The following GPAM variants were observed in gnomAD, a reference collection of about 807,000 sequenced individuals.
GPAM encodes glycerol-3-phosphate acyltransferase 1, mitochondrial.
A neutral mutation model predicts 105.0 loss-of-function variants in GPAM; 56 were observed. The observed-to-expected ratio is 0.53, with a 90% CI of 0.43 to 0.67. The LOEUF (loss-of-function observed/expected upper bound fraction) is 0.67, where lower values mean the gene tolerates loss of function less well. Ranked by LOEUF, GPAM falls within the 30% of genes least tolerant of loss-of-function variation. The probability of loss-of-function intolerance (pLI) is 0.00; values close to 1 mark genes in which losing one functional copy is unlikely to be tolerated. For missense variants in GPAM, 855 were observed against 989.8 expected (o/e 0.86, Z 1.83); for synonymous variants, 368 against 354.4 (o/e 1.04, Z -0.43).
At position 112,157,362 on chromosome 10, in the gene GPAM, T is replaced by C. The variant is rs1847036378; in HGVS notation, c.2008A>G (p.Ser670Gly). 2 of 1,613,444 alleles carry C rather than the reference T, an allele frequency of 1.2e-6. No individual in the cohort carries two copies. The highest frequency in any genetic ancestry group is 1.7e-5 in the Admixed American group (1 of 60,010). ...TTGTCCCACTGCTGCTCAGCAAGAC[T>C]AGGACTGATATCTTCCTGGTCATCG... ...EHDDQEDISPSLAEQQWDKKL... is the reference protein window; with the variant it reads ...EHDDQEDISPGLAEQQWDKKL... The change falls in exon 19 of 22, where the codon AGT becomes GGT. Residue 670 changes from serine to glycine, a missense_variant. Transcript: ENST00000348367.
At chr10:112,204,545 G>C (rs1246163283) in intron 1 of GPAM, among the ~76,000 whole-genome samples, 2 of 150,744 alleles carry the variant, frequency 1.3e-5, no homozygotes, top group African/African-American at 2.4e-5. Flanking sequence ...ATGATCTGTT[G>C]TTTTCCTATA....
At chr10:112,188,908 T>C (rs1847624719) in intron 1 of GPAM, among the ~76,000 whole-genome samples, 1 of 152,154 alleles carries the variant, frequency 6.6e-6, no homozygotes, top group Non-Finnish European at 1.5e-5. Context: ...ACCTAGGCCT[T>C]TCTCATACTA....
chr10:112,189,521 C>T (rs74964251), intron 1 of GPAM, among the ~76,000 whole-genome samples: 1,894 of 152,278 alleles, frequency 0.012, 21 homozygotes, highest in Non-Finnish European at 0.018. Flanking sequence ...CTGTTCAAGA[C>T]GTATTTCTAC....
rs1223400825 is a variant in GPAM, at chr10:112,182,817, C to T, written c.-53G>A. The T allele has an allele frequency of 6.6e-6, 1 of 152,200 alleles. No homozygotes were observed. Among genetic ancestry groups the T allele is most frequent in the Non-Finnish European group, 1.5e-5 (1 of 68,024 alleles). The allele number at this position is 152,200 out of a possible 1,614,324, so 9.4% of individuals were successfully genotyped here. ...ACCTGGGATGAAAGTTCTTCTGTTT[C>T]ATAACATAAAACTTCAGGACTCAGC... On this transcript the variant is annotated 5_prime_UTR_variant, in exon 2 of 22. An upstream start codon of the reference 5' UTR is lost. Transcript: ENST00000348367.
At chr10:112,185,946 T>G (rs1847591626), upstream of GPAM, among the ~76,000 whole-genome samples, 2 of 151,830 alleles carry the variant, frequency 1.3e-5, no homozygotes, top group South Asian at 4.2e-4. Context: ...GAGAATAGAT[T>G]AGGGAGGACA....
intron 21 of GPAM, chr10:112,153,927 A>G (rs565777431): frequency 6.4e-4 from 260 of 408,516 alleles, no homozygotes; most frequent in African/African-American, 5.0e-3. Context: ...CTAAAATTTC[A>G]ACCAACATAA....
chr10:112,181,759 C>T lies in GPAM; in HGVS notation c.26G>A (p.Gly9Asp). Residue 9 changes from glycine to aspartate, a missense_variant, in exon 3 of 22, where the codon GGT becomes GAT. By Grantham distance (94) the Gly-to-Asp change is moderately conservative. Transcript: ENST00000348367. MDESALTLGTIDVSYLPHS... is the reference protein window; with the variant it reads MDESALTLDTIDVSYLPHS... ...TGGCAGATAAGAAACATCTATTGTA[C>T]CAAGGGTCAGTGCAGATTCATCCAT... 2 of 1,606,876 alleles carry T rather than the reference C, an allele frequency of 1.2e-6. No individual in the cohort carries two copies. The highest frequency in any genetic ancestry group is 8.5e-7 in the Non-Finnish European group (1 of 1,173,584).
rs1847125689 is a variant in GPAM, at chr10:112,161,667, C to T, written c.1494G>A (p.Gln498=). Residue 498 remains glutamine, a splice_region_variant and synonymous_variant, in exon 15 of 22, where the codon CAG becomes CAA. Transcript: ENST00000348367. ...VACLLLYRHR[Q]GIDLSTLVED... ...ACTGCAGGTGACATTGCAGACATAC[C>T]TGCCTGTGTCTGTAGAGGAGCAGGC... 2 of 1,608,048 alleles carry T rather than the reference C, an allele frequency of 1.2e-6. No individual in the cohort carries two copies. The highest frequency in any genetic ancestry group is 1.7e-5 in the Admixed American group (1 of 59,986).
intron 11 of GPAM, among the ~76,000 whole-genome samples, chr10:112,167,903 T>C (rs1231341469): frequency 6.6e-6 from 1 of 152,214 alleles, no homozygotes; most frequent in Non-Finnish European, 1.5e-5. Flanking sequence ...AATTAATCTG[T>C]AGGTGTTTTT....
chr10:112,210,730 C>T (rs1044976171), intron 1 of GPAM, among the ~76,000 whole-genome samples: 4 of 152,172 alleles, frequency 2.6e-5, no homozygotes, highest in Non-Finnish European at 5.9e-5. Flanking sequence ...ACTTAGCCTC[C>T]CCACCACCTC....
At chr10:112,161,186 T>C (rs1042112575) in intron 15 of GPAM, among the ~76,000 whole-genome samples, 1 of 152,204 alleles carries the variant, frequency 6.6e-6, no homozygotes, top group African/African-American at 2.4e-5. Flanking sequence ...AAAATTTCCT[T>C]CATTTTAAAT....
chr10:112,169,407 T>C (rs1437604921), intron 9 of GPAM, among the ~76,000 whole-genome samples: 2 of 152,218 alleles, frequency 1.3e-5, no homozygotes, highest in Non-Finnish European at 2.9e-5. Context: ...CAAATAATTA[T>C]TGTTTACAGA....
Position 112,152,255 on chromosome 10 carries a change from T to C in GPAM, c.*1295A>G. The stretch of plus-strand genomic sequence containing the variant: ...TAGAAAACGTTTTAACATTACATGA[T>C]ATTTAAAAAATCACCATAATTACCA... On this transcript the variant is annotated 3_prime_UTR_variant, in exon 22 of 22. Coordinates refer to ENST00000348367, the MANE Select transcript of GPAM (RefSeq NM_001244949.2). The C allele has an allele frequency of 2.0e-6, 2 of 977,566 alleles. No homozygotes were observed. The highest frequency in any genetic ancestry group is 2.4e-6 in the Non-Finnish European group (2 of 822,974). The allele number at this position is 977,566 out of a possible 1,614,324, so 60.6% of individuals were successfully genotyped here.
intron 1 of GPAM, among the ~76,000 whole-genome samples, chr10:112,202,248 T>C (rs1174945954): frequency 6.6e-6 from 1 of 152,184 alleles, no homozygotes; most frequent in Non-Finnish European, 1.5e-5. Context: ...TATAAGAAAA[T>C]CGATGTGCTG....
rs911842735 is a variant in GPAM at position 112,152,944 on chromosome 10, T to C, written c.*606A>G. ...TGTTTTCACATAGCTCTTAAAAACA[T>C]TTCTAAATCTGACAGCAAAGGACAG... On this transcript the variant is annotated 3_prime_UTR_variant, in exon 22 of 22. Coordinates refer to ENST00000348367, the MANE Select transcript of GPAM (RefSeq NM_001244949.2). The C allele has an allele frequency of 3.9e-5, 8 of 203,518 alleles. No homozygotes were observed. Among genetic ancestry groups the C allele is most frequent in the Non-Finnish European group, 7.0e-5 (8 of 115,064 alleles). The allele number at this position is 203,518 out of a possible 1,614,324, so 12.6% of individuals were successfully genotyped here. A position where few individuals can be genotyped will look rare whatever the true frequency, so the allele number is the denominator to read the frequency against.
At chr10:112,160,127 C>G in intron 16 of GPAM, 74 bp from the exon 17 acceptor site, 1 of 1,397,398 alleles carries the variant, frequency 7.2e-7, no homozygotes, top group East Asian at 2.3e-5. Flanking sequence ...CTTGAATAAC[C>G]TTAAGAGATT....
Position 112,153,668 on chromosome 10 carries a change from T to C in GPAM, c.2371-2A>G. On this transcript the variant is annotated splice_acceptor_variant, in intron 21 of 21. Transcript: ENST00000348367. LOFTEE classifies it high-confidence loss of function. ...CTTTTGTTTGGTCTCCTTGAAAACCTAAAGAAAAGGTTTAGATTAAATTAA... is the reference window on the plus strand; with the variant it reads ...CTTTTGTTTGGTCTCCTTGAAAACCCAAAGAAAAGGTTTAGATTAAATTAA... 1.2e-6 allele frequency: 2 copies of C among 1,607,988 alleles called. No individual in the cohort carries two copies. Among genetic ancestry groups the C allele is most frequent in the Non-Finnish European group, 1.7e-6 (2 of 1,174,916 alleles).
At position 112,159,919 on chromosome 10, in the gene GPAM, T is replaced by C. The variant is rs770508846; in HGVS notation, c.1894A>G (p.Ile632Val). ...GAAGGGTCTTCACTCACCAGTGAGA[T>C]GGTGCCTTCATTGGAGAGAAGGTAG... ...LCYLLSNEGT[I>V]SLPCQTFYQV... The change falls in exon 17 of 22, where the codon ATC (isoleucine) becomes GTC (valine). Residue 632 changes from isoleucine to valine, a missense_variant. Physicochemically the swap from Ile to Val is conservative, Grantham distance 29 (BLOSUM62 3). Coordinates refer to ENST00000348367, the MANE Select transcript of GPAM (RefSeq NM_001244949.2). The C allele has an allele frequency of 6.2e-7, 1 of 1,613,682 alleles. No individual in the cohort carries two copies. The highest frequency in any genetic ancestry group is 1.3e-5 in the African/African-American group (1 of 74,924).
chr10:112,193,658 C>A (rs1055933757), intron 1 of GPAM, among the ~76,000 whole-genome samples: 2 of 152,148 alleles, frequency 1.3e-5, no homozygotes, highest in Non-Finnish European at 2.9e-5. Context: ...GATACTAAAG[C>A]CCAAACATAC....
Sources: allele counts gnomAD v4.1 joint callset (sites outside exome capture counted in the v4.1 genomes callset), GRCh38; gene constraint gnomAD v4.1.1; transcripts MANE v1.5; gene names NCBI Gene and HGNC (gene_info 2026-07-23, HGNC 2026-07-21).